The following KCNN3 variants were observed in gnomAD, a reference collection of about 807,000 sequenced individuals.
The protein encoded by KCNN3 is small conductance calcium-activated potassium channel protein 3.
A neutral mutation model predicts 62.9 loss-of-function variants in KCNN3; 16 were observed. That is an observed-to-expected ratio of 0.25 (90% CI 0.17 to 0.39). The LOEUF (loss-of-function observed/expected upper bound fraction) is 0.39, where lower values mean the gene tolerates loss of function less well. Ranked by LOEUF, KCNN3 falls within the 10% of genes least tolerant of loss-of-function variation. KCNN3 has a pLI of 1.00. For synonymous variants in KCNN3, 370 were observed against 389.2 expected, an observed-to-expected ratio of 0.95 and a Z score of 0.58; for missense variants, 599 against 949.4, an observed-to-expected ratio of 0.63 and a Z score of 4.85.
At chr1:154,846,638 T>C (rs753005195) in intron 1 of KCNN3, among the ~76,000 whole-genome samples, 10 of 152,138 alleles carry the variant, frequency 6.6e-5, no homozygotes, top group Non-Finnish European at 1.2e-4. Flanking sequence ...CCTACTGCCA[T>C]TGGGTGTCTG....
intron 5 of KCNN3, among the ~76,000 whole-genome samples, chr1:154,715,463 G>T (rs995097844): frequency 2.0e-5 from 3 of 150,766 alleles, no homozygotes; most frequent in African/African-American, 7.3e-5. Flanking sequence ...AAAAAAAAAG[G>T]TGATTAAAAT....
intron 2 of KCNN3, among the ~76,000 whole-genome samples, chr1:154,793,735 T>A (rs989705446): frequency 6.6e-6 from 1 of 152,194 alleles, no homozygotes; most frequent in Non-Finnish European, 1.5e-5. Context: ...CTGGAGTAGT[T>A]AACTTAGCTT....
At chr1:154,789,133 G>C (rs1168190563) in intron 2 of KCNN3, among the ~76,000 whole-genome samples, 3 of 152,162 alleles carry the variant, frequency 2.0e-5, no homozygotes, top group African/African-American at 7.2e-5. Context: ...GGGGGAATCC[G>C]TTTCCTTGCT....
At position 154,759,478 on chromosome 1, in the gene KCNN3, C is replaced by A. The variant is rs376741436; in HGVS notation, c.1448+12497G>T. 3.3e-5 allele frequency among the ~76,000 whole-genome samples: 5 copies of A among 152,348 alleles called. No individual in the cohort carries two copies. The East Asian group carries it at 5.8e-4, about 18-fold the overall frequency. On this transcript the variant is annotated intron_variant, in intron 3 of 7. Transcript: ENST00000271915. ...TGTGGCTGACGTCACTTACAGGAAC[C>A]CCTTCCTTTTCCTTACCTCAGCCCC... is the stretch of plus-strand genomic sequence containing the variant.
At chr1:154,730,691 G>A (rs904891942) in intron 4 of KCNN3, among the ~76,000 whole-genome samples, 46 of 152,172 alleles carry the variant, frequency 3.0e-4, no homozygotes, top group Non-Finnish European at 5.7e-4. Flanking sequence ...TATATAGAAA[G>A]GTGTATATTT....
chr1:154,848,272 C>G (rs142112042), intron 1 of KCNN3, among the ~76,000 whole-genome samples: 1 of 152,192 alleles, frequency 6.6e-6, no homozygotes, highest in Non-Finnish European at 1.5e-5. Flanking sequence ...GCCTCACACA[C>G]AACTCAGATA....
At chr1:154,797,686 G>T (rs1272043397) in intron 2 of KCNN3, among the ~76,000 whole-genome samples, 4 of 152,216 alleles carry the variant, frequency 2.6e-5, no homozygotes, top group Non-Finnish European at 5.9e-5. Context: ...GCCAGGAACA[G>T]TGTAAGCACT....
intron 2 of KCNN3, among the ~76,000 whole-genome samples, chr1:154,795,797 C>T (rs1649710867): frequency 6.6e-6 from 1 of 152,120 alleles, no homozygotes; most frequent in South Asian, 2.1e-4. Context: ...AGACGTGGAC[C>T]TGTGGGGCAC....
chr1:154,710,774 A>G (rs897848295), intron 7 of KCNN3, among the ~76,000 whole-genome samples: 3 of 152,258 alleles, frequency 2.0e-5, no homozygotes, highest in African/African-American at 2.4e-5. Context: ...AGAGAAATGC[A>G]AATCAAAACC....
rs1167024827 is a variant in KCNN3, at chr1:154,702,306, T to C, written c.*5670A>G. The C allele has an allele frequency of 2.6e-5, 4 of 152,004 alleles. No homozygotes were observed. The highest frequency in any genetic ancestry group is 9.7e-5 in the African/African-American group (4 of 41,392). 9.4% of individuals were successfully genotyped at this position (152,004 alleles called of 1,614,324 possible). On this transcript the variant is annotated 3_prime_UTR_variant, in exon 8 of 8. Transcript: ENST00000271915. ...ACAAAATGTTAATTGAAAGTTACAA[T>C]ATATTTTATAATATATCAATATATT...
intron 2 of KCNN3, among the ~76,000 whole-genome samples, chr1:154,810,916 A>G (rs1043235785): frequency 7.2e-5 from 11 of 152,076 alleles, no homozygotes; most frequent in African/African-American, 2.7e-4. Context: ...CAAACAGTTG[A>G]CCTCAAAACC....
chr1:154,758,804 TTTTGTTTTTG>T (rs1480850805), intron 3 of KCNN3, among the ~76,000 whole-genome samples: 1 of 149,898 alleles, frequency 6.7e-6, no homozygotes, highest in Non-Finnish European at 1.5e-5. Flanking sequence ...TTGTTTTTGT[TTTTGTTTTTG>T]TTTTTGTTTT....
intron 3 of KCNN3, among the ~76,000 whole-genome samples, chr1:154,748,715 C>A (rs1426165257): frequency 3.9e-5 from 6 of 152,152 alleles, no homozygotes; most frequent in Non-Finnish European, 8.8e-5. Flanking sequence ...AATCCAAGCA[C>A]TTTGGGAGGC....
At chr1:154,850,049 C>T (rs1165714854) in intron 1 of KCNN3, among the ~76,000 whole-genome samples, 4 of 152,162 alleles carry the variant, frequency 2.6e-5, no homozygotes, top group East Asian at 1.9e-4. Flanking sequence ...TTCTGGCAGG[C>T]GCTTCTTTCT....
intron 4 of KCNN3, among the ~76,000 whole-genome samples, chr1:154,729,019 C>T (rs1017985758): frequency 6.6e-6 from 1 of 152,198 alleles, no homozygotes; most frequent in East Asian, 1.9e-4. Flanking sequence ...AGTTAATAGT[C>T]TGACAGGCCA....
intron 4 of KCNN3, among the ~76,000 whole-genome samples, chr1:154,728,832 G>A (rs184389997): frequency 1.3e-5 from 2 of 152,272 alleles, no homozygotes; most frequent in Admixed American, 6.5e-5. Flanking sequence ...GATTGAGAGA[G>A]GAAGGAAGAA....
Position 154,815,971 on chromosome 1 carries a change from C to T in KCNN3, c.1029+6118G>A, listed in dbSNP as rs1314166024. On this transcript the variant is annotated intron_variant, in intron 2 of 7. Coordinates refer to ENST00000271915, the MANE Select transcript of KCNN3 (RefSeq NM_002249.6). ...CCCTGTGACAGCACATTACACGCAC[C>T]CAGGAGGACACTCCCATCCACAGAG... is the stretch of plus-strand genomic sequence containing the variant. Among the ~76,000 whole-genome samples, 5 of 152,320 alleles carry T rather than the reference C, an allele frequency of 3.3e-5. No homozygotes were observed. The East Asian group carries it at 9.6e-4, about 29-fold the overall frequency.
intron 3 of KCNN3, among the ~76,000 whole-genome samples, chr1:154,750,707 A>T (rs1335828529): frequency 1.3e-5 from 2 of 151,860 alleles, no homozygotes; most frequent in African/African-American, 4.8e-5. Flanking sequence ...CTGATCCTTG[A>T]TAAGGGTCTT....
At chr1:154,851,494 C>A (rs1218555) in intron 1 of KCNN3, among the ~76,000 whole-genome samples, 149,236 of 152,160 alleles carry the variant, frequency 0.98, 73,271 homozygotes, top group East Asian at 1. Context: ...TGTCTTCCCC[C>A]AAAAAACTGC....
Sources: allele counts gnomAD v4.1 joint callset (sites outside exome capture counted in the v4.1 genomes callset), GRCh38; gene constraint gnomAD v4.1.1; transcripts MANE v1.5; gene names NCBI Gene and HGNC (gene_info 2026-07-23, HGNC 2026-07-21).